The following NR6A1 variants were observed in gnomAD, a reference collection of about 807,000 sequenced individuals.
The protein encoded by NR6A1 is retinoic acid receptor-related testis-associated receptor.
NR6A1 carries 7 observed loss-of-function variants against 59.1 expected under a neutral mutation model. The observed-to-expected ratio is 0.12, with a 90% CI of 0.07 to 0.22. The LOEUF (loss-of-function observed/expected upper bound fraction) is 0.22, where lower values mean the gene tolerates loss of function less well. NR6A1 is among the 10% of genes least tolerant of loss of function. The pLI, the probability that NR6A1 is intolerant of heterozygous loss-of-function variation, is 1.00. For synonymous variants in NR6A1, 243 were observed against 236.1 expected (o/e 1.03, Z -0.27); for missense variants, 468 against 611.6 (o/e 0.77, Z 2.48).
At chr9:124,618,045 T>C (rs1835951108) in intron 2 of NR6A1, among the ~76,000 whole-genome samples, 1 of 152,236 alleles carries the variant, frequency 6.6e-6, no homozygotes, top group Non-Finnish European at 1.5e-5. Flanking sequence ...TGGCCTCATT[T>C]TGGCAGTTTC....
intron 1 of NR6A1, among the ~76,000 whole-genome samples, chr9:124,750,060 C>T (rs1421505070): frequency 2.0e-5 from 3 of 152,138 alleles, no homozygotes; most frequent in African/African-American, 7.2e-5. Context: ...ATGAGAAGAA[C>T]GTATTTGTAA....
At chr9:124,730,801 G>A (rs150208620) in intron 2 of NR6A1, among the ~76,000 whole-genome samples, 12 of 152,138 alleles carry the variant, frequency 7.9e-5, no homozygotes, top group African/African-American at 2.4e-4. Flanking sequence ...TTGCTACTAG[G>A]TGCAGAAAAA....
chr9:124,536,228 T>A, intron 6 of NR6A1, 96 bp from the exon 7 acceptor site: 1 of 1,375,052 alleles, frequency 7.3e-7, no homozygotes, highest in Non-Finnish European at 9.9e-7. Context: ...AAAGGGACCC[T>A]GGCAATGGGC....
chr9:124,592,309 C>A (rs1564193347), intron 2 of NR6A1, among the ~76,000 whole-genome samples: 1 of 152,114 alleles, frequency 6.6e-6, no homozygotes, highest in Non-Finnish European at 1.5e-5. Flanking sequence ...AGGTTTCATA[C>A]CCCATTTTAA....
At position 124,519,358 on chromosome 9, in the gene NR6A1, C is replaced by G. The variant is rs568548674; in HGVS notation, c.*3347G>C. On this transcript the variant is annotated 3_prime_UTR_variant, in exon 10 of 10. Transcript: ENST00000487099. Reference sequence around the variant, plus strand: ...TGGGTGTCCTCTGAGCCAGGTTGAGCGCTTTGAGACAGATTCTGGGGAATT... The same window carrying G: ...TGGGTGTCCTCTGAGCCAGGTTGAGGGCTTTGAGACAGATTCTGGGGAATT... 1 of 152,204 alleles carries G rather than the reference C, an allele frequency of 6.6e-6. No individual in the cohort carries two copies. The highest frequency in any genetic ancestry group is 2.4e-5 in the African/African-American group (1 of 41,440). The allele number at this position is 152,204 out of a possible 1,614,324, so 9.4% of individuals were successfully genotyped here.
At chr9:124,755,360 T>C (rs989950960) in intron 1 of NR6A1, among the ~76,000 whole-genome samples, 3 of 152,214 alleles carry the variant, frequency 2.0e-5, no homozygotes, top group Non-Finnish European at 4.4e-5. Context: ...GTTGGCTTCA[T>C]TCACAAGCAC....
chr9:124,742,615 G>A (rs1031766678), intron 1 of NR6A1, among the ~76,000 whole-genome samples: 7 of 152,098 alleles, frequency 4.6e-5, no homozygotes, highest in Non-Finnish European at 1.0e-4. Context: ...TGTGGCTCAC[G>A]CCTGTAATCC....
At chr9:124,731,393 C>T (rs1003495305) in intron 2 of NR6A1, among the ~76,000 whole-genome samples, 2 of 151,032 alleles carry the variant, frequency 1.3e-5, no homozygotes, top group Non-Finnish European at 3.0e-5. Flanking sequence ...AAAGAAAGGA[C>T]CATGACTCCA....
chr9:124,746,218 G>A (rs1341425796), intron 1 of NR6A1, among the ~76,000 whole-genome samples: 4 of 152,106 alleles, frequency 2.6e-5, no homozygotes, highest in Admixed American at 2.6e-4. Context: ...TCCATTGTGT[G>A]GCAACAAAGA....
chr9:124,648,707 T>TA (rs769651566), intron 2 of NR6A1, among the ~76,000 whole-genome samples: 2,047 of 134,346 alleles, frequency 0.015, 32 homozygotes, highest in African/African-American at 0.042. Context: ...AAGATACTGC[T>TA]AAAAAAAAAA....
chr9:124,583,992 G>C (rs1331504412), intron 2 of NR6A1, among the ~76,000 whole-genome samples: 1 of 151,918 alleles, frequency 6.6e-6, no homozygotes, highest in Non-Finnish European at 1.5e-5. Flanking sequence ...TATTTTTTCT[G>C]TATCCCTAAT....
At chr9:124,746,134 G>A (rs1840327320) in intron 1 of NR6A1, among the ~76,000 whole-genome samples, 1 of 151,748 alleles carries the variant, frequency 6.6e-6, no homozygotes, top group South Asian at 2.1e-4. Context: ...ACAATTCTGG[G>A]CACTAATCTT....
intron 1 of NR6A1, among the ~76,000 whole-genome samples, chr9:124,737,977 G>A (rs981851794): frequency 3.9e-5 from 6 of 152,066 alleles, no homozygotes; most frequent in East Asian, 1.9e-4. Context: ...AAAATTAGGC[G>A]GGGCGTGGTA....
At chr9:124,743,829 A>T (rs767586508) in intron 1 of NR6A1, among the ~76,000 whole-genome samples, 6 of 152,302 alleles carry the variant, frequency 3.9e-5, no homozygotes, top group Non-Finnish European at 8.8e-5. Context: ...ATTTCTCAGA[A>T]AACTGCACGT....
At chr9:124,660,246 C>T (rs1837388382) in intron 2 of NR6A1, among the ~76,000 whole-genome samples, 1 of 152,162 alleles carries the variant, frequency 6.6e-6, no homozygotes, top group South Asian at 2.1e-4. Context: ...AAGAGAAAAG[C>T]AGCCAACTAA....
In NR6A1 at chr9:124,598,707, A is replaced by G. The variant is rs12552662; in HGVS notation, c.143-44137T>C. ...AGAGAGGAAAAAAATAAGACGATTTATTGTTTCTCCTCAGCATCCTCCTTG... is the reference window on the plus strand; with the variant it reads ...AGAGAGGAAAAAAATAAGACGATTTGTTGTTTCTCCTCAGCATCCTCCTTG... On this transcript the variant is annotated intron_variant, in intron 2 of 9. Transcript: ENST00000487099. 769 of 658,488 alleles carry G rather than the reference A, an allele frequency of 1.2e-3. 2 individuals are homozygous for G. The highest frequency in any genetic ancestry group is 2.6e-3 in the Admixed American group (91 of 35,448). 40.8% of individuals were successfully genotyped at this position (658,488 alleles called of 1,614,324 possible).
intron 2 of NR6A1, among the ~76,000 whole-genome samples, chr9:124,707,502 GAC>G (rs1421575962): frequency 6.6e-6 from 1 of 150,940 alleles, no homozygotes; most frequent in African/African-American, 2.5e-5. Flanking sequence ...ATCACTCAGA[GAC>G]AGTTTCTACT....
At chr9:124,637,384 G>A (rs1278549145) in intron 2 of NR6A1, among the ~76,000 whole-genome samples, 4 of 152,056 alleles carry the variant, frequency 2.6e-5, no homozygotes, top group African/African-American at 7.2e-5. Flanking sequence ...CCTATAGGTG[G>A]GAATAACACA....
intron 6 of NR6A1, among the ~76,000 whole-genome samples, chr9:124,536,987 C>CA (rs1322369271): frequency 6.6e-6 from 1 of 152,200 alleles, no homozygotes; most frequent in African/African-American, 2.4e-5. Context: ...GCTTTGAGAC[C>CA]ACAGACTCAC....
Sources: allele counts gnomAD v4.1 joint callset (sites outside exome capture counted in the v4.1 genomes callset), GRCh38; gene constraint gnomAD v4.1.1; transcripts MANE v1.5; gene names NCBI Gene and HGNC (gene_info 2026-07-23, HGNC 2026-07-21).